RTN1: variants seen among roughly 807,000 people sequenced by gnomAD.
RTN1 encodes reticulon 1.
Under a neutral mutation model 65.5 loss-of-function variants are expected in RTN1, and 25 were observed. The observed-to-expected ratio is 0.38, with a 90% confidence interval of 0.28 to 0.53. The LOEUF is 0.53. RTN1 is among the 20% of genes least tolerant of loss of function. The pLI, the probability that RTN1 is intolerant of heterozygous loss-of-function variation, is 0.79. For synonymous variants in RTN1, 471 were observed against 447.6 expected, an observed-to-expected ratio of 1.05 and a Z score of -0.66; for missense variants, 983 against 1,025.4, an observed-to-expected ratio of 0.96 and a Z score of 0.57.
At chr14:59,625,333 T>TA (rs1168385443) in intron 3 of RTN1, among the ~76,000 whole-genome samples, 5 of 152,046 alleles carry the variant, frequency 3.3e-5, no homozygotes, top group African/African-American at 7.2e-5. Context: ...AATGAATCTT[T>TA]AAAAAAAATG....
chr14:59,719,706 T>A (rs1280933451), intron 3 of RTN1, among the ~76,000 whole-genome samples: 2 of 152,194 alleles, frequency 1.3e-5, no homozygotes, highest in African/African-American at 2.4e-5. Flanking sequence ...AGAAACTATG[T>A]CTATGAGGAT....
Position 59,603,112 on chromosome 14 carries a change from G to C in RTN1, c.2241C>G (p.Asp747Glu). 6.2e-7 allele frequency: 1 copy of C among 1,612,960 alleles called. No homozygotes were observed. Among genetic ancestry groups the C allele is most frequent in the African/African-American group, 1.3e-5 (1 of 74,830 alleles). The stretch of plus-strand genomic sequence containing the variant: ...GAGTCCTCACAAGTCCCAGATATTG[G>C]TCAATCTGTGCCTACATAAAGAAAA... The part of the protein sequence containing the change: ...VVYVKHQAQI[D>E]QYLGLVRTHI... Residue 747 changes from aspartate to glutamate, a missense_variant, in exon 8 of 9, where the codon GAC (aspartate) becomes GAG (glutamate). Physicochemically the swap from Asp to Glu is conservative, Grantham distance 45. Coordinates refer to ENST00000267484, the MANE Select transcript of RTN1 (RefSeq NM_021136.3).
At chr14:59,776,425 T>A (rs112299049) in intron 1 of RTN1, among the ~76,000 whole-genome samples, 1 of 152,150 alleles carries the variant, frequency 6.6e-6, no homozygotes, top group African/African-American at 2.4e-5. Flanking sequence ...CATGCCATGA[T>A]GCAGTAAAGC....
rs138402019 is a variant in RTN1 at position 59,611,761 on chromosome 14, G to A, written c.1766-4269C>T. 1.8e-4 allele frequency among the ~76,000 whole-genome samples: 28 copies of A among 152,300 alleles called. No individual in the cohort carries two copies. In the East Asian group the frequency reaches 5.4e-3, roughly 29 times the overall value. On this transcript the variant is annotated intron_variant, in intron 3 of 8. Transcript: ENST00000267484. ...AGGAGGTTTCTCAGACAGAGAATAG[G>A]AGGATAGTTTGGAAGGGATACTCTT...
At chr14:59,745,618 A>C in intron 2 of RTN1, 90 bp downstream of exon 2, 2 of 1,151,018 alleles carry the variant, frequency 1.7e-6, no homozygotes, top group Non-Finnish European at 2.5e-6. Flanking sequence ...AGTATGTTGA[A>C]TGAAAATTGT....
At chr14:59,701,007 T>TTAG (rs138983177) in intron 3 of RTN1, among the ~76,000 whole-genome samples, 2,949 of 152,238 alleles carry the variant, frequency 0.019, 90 homozygotes, top group African/African-American at 0.067. Flanking sequence ...AAATAACTCT[T>TTAG]TAGTTCAACA....
At chr14:59,710,701 C>G (rs959046876) in intron 3 of RTN1, among the ~76,000 whole-genome samples, 14 of 152,218 alleles carry the variant, frequency 9.2e-5, no homozygotes, top group African/African-American at 3.4e-4. Flanking sequence ...ACCAGAAAGG[C>G]AGCTTTGGAA....
chr14:59,820,760 T>C (rs1886929502), intron 1 of RTN1, among the ~76,000 whole-genome samples: 4 of 152,242 alleles, frequency 2.6e-5, no homozygotes, highest in Admixed American at 6.5e-5. Context: ...AAGCTTTGAG[T>C]GGGGATATAG....
chr14:59,857,805 A>G (rs1331775434), intron 1 of RTN1, among the ~76,000 whole-genome samples: 1 of 152,210 alleles, frequency 6.6e-6, no homozygotes, highest in Non-Finnish European at 1.5e-5. Flanking sequence ...CCCAGAATCC[A>G]TAAGAAAGGA....
In RTN1 at chr14:59,870,641, C is replaced by A; in HGVS notation, c.-11G>T. On this transcript the variant is annotated 5_prime_UTR_variant, in exon 1 of 9. Coordinates refer to ENST00000267484, the MANE Select transcript of RTN1 (RefSeq NM_021136.3). This position sits in a 1 kb window ranked among gnomAD's most constrained non-coding sequence, Gnocchi z 5.1. ...CCCCGGCGCGGCCATGGCTGGCGGTCCCCCGGCGCGGCGACGGCGGCTTGG... is the reference window on the plus strand; with the variant it reads ...CCCCGGCGCGGCCATGGCTGGCGGTACCCCGGCGCGGCGACGGCGGCTTGG... 1.5e-6 allele frequency: 2 copies of A among 1,373,146 alleles called. No homozygotes were observed. 85.1% of individuals were successfully genotyped at this position (1,373,146 alleles called of 1,614,324 possible).
intron 3 of RTN1, among the ~76,000 whole-genome samples, chr14:59,622,089 A>G: frequency 6.6e-6 from 1 of 152,112 alleles, no homozygotes; most frequent in South Asian, 2.1e-4. Flanking sequence ...TAACCCCAGC[A>G]CTCTGGGAGG....
At chr14:59,719,958 A>T (rs184167630) in intron 3 of RTN1, among the ~76,000 whole-genome samples, 73 of 152,252 alleles carry the variant, frequency 4.8e-4, no homozygotes, top group African/African-American at 1.5e-3. Flanking sequence ...GCTGCCTGGG[A>T]GCTCTCCCTC....
intron 1 of RTN1, among the ~76,000 whole-genome samples, chr14:59,856,579 C>T (rs570480750): frequency 1.1e-4 from 16 of 152,296 alleles, no homozygotes; most frequent in South Asian, 4.2e-4. Flanking sequence ...CTCATCAGGA[C>T]ATGGGAAACG....
At chr14:59,799,259 A>G (rs1468403654) in intron 1 of RTN1, among the ~76,000 whole-genome samples, 1 of 152,248 alleles carries the variant, frequency 6.6e-6, no homozygotes, top group East Asian at 1.9e-4. Flanking sequence ...ATGAGAATAA[A>G]CTGGCAAGCC....
intron 1 of RTN1, among the ~76,000 whole-genome samples, chr14:59,805,089 A>C (rs1217599519): frequency 6.6e-6 from 1 of 152,164 alleles, no homozygotes; most frequent in Non-Finnish European, 1.5e-5. Context: ...AGCTACCTGG[A>C]ATGCTCTTCA....
At position 59,709,463 on chromosome 14, in the gene RTN1, G is replaced by A. The variant is rs571401187; in HGVS notation, c.1765+17456C>T. 1.2e-4 allele frequency among the ~76,000 whole-genome samples: 18 copies of A among 152,334 alleles called. No individual in the cohort carries two copies. The East Asian group carries it at 3.1e-3, about 26-fold the overall frequency. On this transcript the variant is annotated intron_variant, in intron 3 of 8. Coordinates refer to ENST00000267484, the MANE Select transcript of RTN1 (RefSeq NM_021136.3). ...TTAAAATATATTCTATTTTATGGAT[G>A]ACAGTTCTTAGTACTTGTGAAATAC...
intron 3 of RTN1, among the ~76,000 whole-genome samples, chr14:59,723,786 T>C (rs1231178762): frequency 6.6e-6 from 1 of 152,146 alleles, no homozygotes; most frequent in Admixed American, 6.5e-5. Context: ...AATATCAACA[T>C]GGCTGGTCCA....
chr14:59,695,516 TC>T (rs1884045046), intron 3 of RTN1, among the ~76,000 whole-genome samples: 1 of 152,100 alleles, frequency 6.6e-6, no homozygotes, highest in Non-Finnish European at 1.5e-5. Flanking sequence ...TAGCCTGGGT[TC>T]CAAAACGAAA....
chr14:59,746,481 C>T lies in RTN1; in HGVS notation c.242G>A (p.Gly81Asp), dbSNP rs769028406. 4 of 1,572,758 alleles carry T rather than the reference C, an allele frequency of 2.5e-6. No homozygotes were observed. The highest frequency in any genetic ancestry group is 2.7e-5 in the African/African-American group (2 of 73,890). ...CATGGCACTGGAAACACCTGCCACA[C>T]CTATGAATCAAAGCAGCAGCAGACA... is the stretch of plus-strand genomic sequence containing the variant. ...SPVAMETASTGVAGVSSAMDH... is the reference protein window; with the variant it reads ...SPVAMETASTDVAGVSSAMDH... The change falls in exon 2 of 9, where the codon GGT becomes GAT. Residue 81 changes from glycine (G) to aspartate (D), a missense_variant and splice_region_variant. Coordinates refer to ENST00000267484, the MANE Select transcript of RTN1 (RefSeq NM_021136.3).
Sources: gnomAD v4.1 joint callset for allele counts (sites outside exome capture counted in the v4.1 genomes callset) on GRCh38, gnomAD v4.1.1 for gene constraint, Gnocchi (gnomAD v3.1) non-coding constraint, MANE v1.5 for transcripts, NCBI Gene and HGNC (gene_info 2026-07-23, HGNC 2026-07-21) for gene names.